The following GPC5 variants were observed in gnomAD, a reference collection of about 807,000 sequenced individuals.
The protein encoded by GPC5 is glypican 5.
Under a neutral mutation model 53.9 loss-of-function variants are expected in GPC5, and 47 were observed. The ratio of observed to expected loss-of-function variants is 0.87; its 90% CI spans 0.69 to 1.11. GPC5 has a LOEUF of 1.11. Among genes scored for constraint, GPC5 ranks in the 50% most tolerant of loss-of-function variants. The pLI, the probability that GPC5 is intolerant of heterozygous loss-of-function variation, is 0.00. For missense variants in GPC5, 748 were observed against 713.1 expected (o/e 1.05, Z -0.56); for synonymous variants, 286 against 263.3 (o/e 1.09, Z -0.84).
chr13:92,456,605 A>C (rs978472857), intron 7 of GPC5, among the ~76,000 whole-genome samples: 2 of 152,210 alleles, frequency 1.3e-5, no homozygotes, highest in Non-Finnish European at 2.9e-5. Flanking sequence ...AGAACATTCA[A>C]CCAAATGTGG....
At chr13:92,409,966 G>A (rs1020549608) in intron 7 of GPC5, among the ~76,000 whole-genome samples, 3 of 152,204 alleles carry the variant, frequency 2.0e-5, no homozygotes, top group Non-Finnish European at 4.4e-5. Context: ...AAAATAAGGT[G>A]TGTATGTGTG....
intron 7 of GPC5, among the ~76,000 whole-genome samples, chr13:92,799,002 GA>G (rs1365065254): frequency 6.6e-6 from 1 of 151,632 alleles, no homozygotes; most frequent in Non-Finnish European, 1.5e-5. Flanking sequence ...TGGTAAACTA[GA>G]AAAATCTTCA....
intron 7 of GPC5, among the ~76,000 whole-genome samples, chr13:92,847,738 G>A (rs989554914): frequency 2.6e-5 from 4 of 151,604 alleles, no homozygotes; most frequent in Non-Finnish European, 5.9e-5. Flanking sequence ...TTTGTTTTTT[G>A]TATATAGCTA....
chr13:91,747,437 A>G (rs2037073705), intron 4 of GPC5, among the ~76,000 whole-genome samples: 1 of 152,188 alleles, frequency 6.6e-6, no homozygotes, highest in African/African-American at 2.4e-5. Flanking sequence ...GCTGCAGGCT[A>G]TGAATGAGCA....
chr13:92,612,115 G>T lies in GPC5; in HGVS notation c.1562-254167G>T, dbSNP rs188088485. Among the ~76,000 whole-genome samples, 2 of 152,180 alleles carry T rather than the reference G, an allele frequency of 1.3e-5. 1 individual carries two copies. The highest frequency in any genetic ancestry group is 3.9e-4 in the East Asian group (2 of 5,188). On this transcript the variant is annotated intron_variant, in intron 7 of 7. Coordinates refer to ENST00000377067, the MANE Select transcript of GPC5 (RefSeq NM_004466.6). ...AAAATATTACTGCAGTTGGAATTAG[G>T]TCTTTTCTCCAAGTTCTTTGAAGGG... is the stretch of plus-strand genomic sequence containing the variant.
At chr13:92,392,554 G>A (rs951616809) in intron 7 of GPC5, among the ~76,000 whole-genome samples, 2 of 152,082 alleles carry the variant, frequency 1.3e-5, no homozygotes, top group African/African-American at 2.4e-5. Flanking sequence ...TTGACAAGTG[G>A]GATCTAATTC....
At chr13:92,327,505 G>A (rs1200290921) in intron 7 of GPC5, among the ~76,000 whole-genome samples, 1 of 152,170 alleles carries the variant, frequency 6.6e-6, no homozygotes, top group Non-Finnish European at 1.5e-5. Context: ...TGCCTTGGCT[G>A]TAGGTCAGAA....
chr13:92,657,657 A>ATT (rs896215283), intron 7 of GPC5, among the ~76,000 whole-genome samples: 1 of 149,246 alleles, frequency 6.7e-6, no homozygotes, highest in African/African-American at 2.5e-5. Flanking sequence ...GTGTGAGGCA[A>ATT]TTTTAAAGGC....
intron 7 of GPC5, among the ~76,000 whole-genome samples, chr13:92,855,505 G>A (rs2138849428): frequency 1.3e-5 from 2 of 151,840 alleles, no homozygotes; most frequent in East Asian, 3.9e-4. Flanking sequence ...TTAATAGACA[G>A]TTACTTAGAT....
intron 6 of GPC5, among the ~76,000 whole-genome samples, chr13:92,069,408 A>G (rs1456484905): frequency 3.5e-5 from 5 of 143,114 alleles, no homozygotes; most frequent in African/African-American, 1.0e-4. Context: ...GTGTGCGTGC[A>G]TGTGTGTGTG....
At chr13:91,974,889 C>G (rs1234336382) in intron 6 of GPC5, among the ~76,000 whole-genome samples, 2 of 152,114 alleles carry the variant, frequency 1.3e-5, no homozygotes, top group Admixed American at 6.6e-5. Context: ...GCTACAGTAA[C>G]CAAAACAGCA....
At chr13:92,632,299 A>T (rs1419229915) in intron 7 of GPC5, among the ~76,000 whole-genome samples, 1 of 152,038 alleles carries the variant, frequency 6.6e-6, no homozygotes, top group East Asian at 1.9e-4. Flanking sequence ...TTTCATAAGC[A>T]TCATTTTGGC....
intron 6 of GPC5, among the ~76,000 whole-genome samples, chr13:92,074,138 G>C (rs574079324): frequency 6.0e-4 from 91 of 152,296 alleles, no homozygotes; most frequent in Non-Finnish European, 1.2e-3. Context: ...GAGGACACAA[G>C]TTTTGTGAAC....
At chr13:91,407,939 G>C (rs1402402359) in intron 1 of GPC5, among the ~76,000 whole-genome samples, 1 of 152,128 alleles carries the variant, frequency 6.6e-6, no homozygotes, top group African/African-American at 2.4e-5. Context: ...AGATAAAATT[G>C]GGTGTATTTA....
intron 2 of GPC5, among the ~76,000 whole-genome samples, chr13:91,676,577 G>A (rs2035389223): frequency 6.6e-6 from 1 of 151,674 alleles, no homozygotes; most frequent in Admixed American, 6.6e-5. Context: ...AAATGCTCTT[G>A]GTGAAATTTT....
intron 6 of GPC5, among the ~76,000 whole-genome samples, chr13:91,948,248 T>TAAA (rs201582018): frequency 0.021 from 3,148 of 148,054 alleles, 101 homozygotes; most frequent in African/African-American, 0.073. Context: ...AAAAAATAAA[T>TAAA]AATAATAATA....
intron 7 of GPC5, among the ~76,000 whole-genome samples, chr13:92,378,329 A>G (rs2139302894): frequency 6.6e-6 from 1 of 152,360 alleles, no homozygotes; most frequent in Middle Eastern, 3.4e-3. Flanking sequence ...TATTATACAA[A>G]GGAGTCCACT....
At chr13:92,623,087 G>A (rs1884927544) in intron 7 of GPC5, among the ~76,000 whole-genome samples, 1 of 151,916 alleles carries the variant, frequency 6.6e-6, no homozygotes, top group Non-Finnish European at 1.5e-5. Flanking sequence ...GATGGCTTGA[G>A]CCTGGGAGGC....
chr13:91,868,531 A>T (rs916535752), intron 5 of GPC5, among the ~76,000 whole-genome samples: 11 of 151,808 alleles, frequency 7.2e-5, no homozygotes, highest in African/African-American at 2.4e-4. Flanking sequence ...ATAGCAAAAA[A>T]CCCTGTCCAC....
Sources: allele counts gnomAD v4.1 joint callset (sites outside exome capture counted in the v4.1 genomes callset), GRCh38; gene constraint gnomAD v4.1.1; transcripts MANE v1.5; gene names NCBI Gene and HGNC (gene_info 2026-07-23, HGNC 2026-07-21).